The following PCDH15 variants were observed in gnomAD, a reference collection of about 807,000 sequenced individuals.
PCDH15 encodes the protein protocadherin-15.
Under a neutral mutation model 178.5 loss-of-function variants are expected in PCDH15, and 129 were observed. The observed-to-expected ratio is 0.72, with a 90% CI of 0.63 to 0.84. The LOEUF (loss-of-function observed/expected upper bound fraction) is 0.84, where lower values mean the gene tolerates loss of function less well. Ranked by LOEUF, PCDH15 falls within the 40% of genes least tolerant of loss-of-function variation. The pLI is 0.00. For missense variants in PCDH15, 2,230 were observed against 2,099.9 expected (o/e 1.06, Z -1.21); for synonymous variants, 800 against 732.0 (o/e 1.09, Z -1.50).
At chr10:55,319,982 T>A (rs1843846049), upstream of PCDH15, among the ~76,000 whole-genome samples, 3 of 152,056 alleles carry the variant, frequency 2.0e-5, no homozygotes, top group African/African-American at 7.2e-5. Flanking sequence ...CCAACCTGAG[T>A]ATCCCTGTCT....
chr10:55,521,842 G>A (rs952452788), intron 2 of PCDH15, among the ~76,000 whole-genome samples: 1 of 151,888 alleles, frequency 6.6e-6, no homozygotes, highest in Non-Finnish European at 1.5e-5. Flanking sequence ...TATCTTAAAT[G>A]CAGTTGGAAC....
chr10:54,073,423 C>G (rs1471024256), intron 17 of PCDH15, among the ~76,000 whole-genome samples: 1 of 152,038 alleles, frequency 6.6e-6, no homozygotes, highest in African/African-American at 2.4e-5. Context: ...ACTTTAACTT[C>G]ACACATTTTC....
intron 15 of PCDH15, among the ~76,000 whole-genome samples, chr10:54,106,867 T>A (rs1431048347): frequency 6.6e-6 from 1 of 152,236 alleles, no homozygotes; most frequent in Non-Finnish European, 1.5e-5. Context: ...AAGGCTTAAG[T>A]GTAAAAAATA....
At chr10:55,489,574 C>A (rs1374163079) in intron 2 of PCDH15, among the ~76,000 whole-genome samples, 2 of 151,668 alleles carry the variant, frequency 1.3e-5, no homozygotes, top group Non-Finnish European at 3.0e-5. Context: ...ATCTCTCATA[C>A]ATCTCAAGTA....
intron 2 of PCDH15, among the ~76,000 whole-genome samples, chr10:54,611,821 A>G (rs912336712): frequency 2.0e-5 from 3 of 151,870 alleles, no homozygotes; most frequent in Non-Finnish European, 2.9e-5. Flanking sequence ...TTGTTTCACC[A>G]TATTCCTACT....
intron 15 of PCDH15, among the ~76,000 whole-genome samples, chr10:54,093,158 C>T (rs1351392403): frequency 6.6e-6 from 1 of 152,038 alleles, no homozygotes; most frequent in East Asian, 1.9e-4. Context: ...TTTTATTTGA[C>T]CACTCAAATA....
intron 2 of PCDH15, among the ~76,000 whole-genome samples, chr10:55,533,567 G>A (rs189972091): frequency 2.7e-3 from 413 of 152,036 alleles, no homozygotes; most frequent in African/African-American, 9.3e-3. Flanking sequence ...ATTGATGAAA[G>A]AAATCAAAGA....
intron 2 of PCDH15, among the ~76,000 whole-genome samples, chr10:55,049,813 T>C (rs1841111992): frequency 6.6e-6 from 1 of 152,072 alleles, no homozygotes; most frequent in Non-Finnish European, 1.5e-5. Context: ...TAAATAATAA[T>C]ATGAGTTGTA....
At chr10:55,279,143 C>T (rs1842667450) in intron 1 of PCDH15, among the ~76,000 whole-genome samples, 1 of 152,058 alleles carries the variant, frequency 6.6e-6, no homozygotes, top group Non-Finnish European at 1.5e-5. Flanking sequence ...ATTTTTAAAA[C>T]TAAGACCATA....
At position 55,254,172 on chromosome 10, in the gene PCDH15, C is replaced by T. The variant is rs148336160; in HGVS notation, c.-156+65427G>A. ...GATGTAACTTAAATAACTAAAATCA[C>T]GCTTTAAAAATCTGGTTATTTATAT... is the stretch of plus-strand genomic sequence containing the variant. On this transcript the variant is annotated intron_variant, in intron 1 of 5. Coordinates refer to the PCDH15 transcript ENST00000458638. Among the ~76,000 whole-genome samples the T allele has an allele frequency of 6.3e-3, 966 of 152,198 alleles. 4 individuals are homozygous for T. The highest frequency in any genetic ancestry group is 0.02 in the Middle Eastern group (6 of 294).
chr10:55,566,319 T>TA (rs1406497331), intron 2 of PCDH15, among the ~76,000 whole-genome samples: 1 of 151,344 alleles, frequency 6.6e-6, no homozygotes, highest in Non-Finnish European at 1.5e-5. Context: ...CTTAACCTAA[T>TA]AAAAAAATTC....
chr10:53,938,994 C>G, intron 24 of PCDH15, 39 bp from the exon 25 acceptor site: 2 of 1,592,888 alleles, frequency 1.3e-6, no homozygotes, highest in Non-Finnish European at 1.7e-6. Context: ...ATTGTCTTTA[C>G]GCTATAAGGA....
intron 2 of PCDH15, among the ~76,000 whole-genome samples, chr10:55,509,572 T>C (rs1430430505): frequency 6.6e-6 from 1 of 151,944 alleles, no homozygotes; most frequent in Non-Finnish European, 1.5e-5. Flanking sequence ...ATGTGATTTA[T>C]ACGGCTGTCC....
intron 8 of PCDH15, among the ~76,000 whole-genome samples, chr10:54,312,489 A>C (rs2060970380): frequency 6.6e-6 from 1 of 152,122 alleles, no homozygotes; most frequent in African/African-American, 2.4e-5. Context: ...CAGAGATTTG[A>C]CTACAACAGA....
intron 2 of PCDH15, among the ~76,000 whole-genome samples, chr10:55,098,914 G>T (rs1047616003): frequency 6.6e-6 from 1 of 151,262 alleles, no homozygotes; most frequent in African/African-American, 2.4e-5. Context: ...GAGAGAGAGA[G>T]AGAGAGAGAG....
chr10:55,226,096 T>A (rs1023520938), intron 1 of PCDH15, among the ~76,000 whole-genome samples: 15 of 152,200 alleles, frequency 9.9e-5, no homozygotes, highest in Middle Eastern at 6.8e-3. Flanking sequence ...CAAATCAAAC[T>A]ATGCTTAAAC....
intron 3 of PCDH15, among the ~76,000 whole-genome samples, chr10:54,482,450 T>TA (rs1440110214): frequency 2.0e-5 from 3 of 151,804 alleles, no homozygotes; most frequent in Non-Finnish European, 2.9e-5. Flanking sequence ...TAATTTTCAA[T>TA]AAAAATGATA....
intron 21 of PCDH15, among the ~76,000 whole-genome samples, chr10:53,979,355 A>C (rs371728006): frequency 1.4e-4 from 22 of 152,284 alleles, no homozygotes; most frequent in African/African-American, 5.1e-4. Context: ...CACTATCATG[A>C]GAAGGGCATG....
At chr10:54,180,619 T>A in intron 13 of PCDH15, among the ~76,000 whole-genome samples, 1 of 152,178 alleles carries the variant, frequency 6.6e-6, no homozygotes, top group East Asian at 1.9e-4. Context: ...GGGACCTATG[T>A]CATGACTCTT....
Sources: gnomAD v4.1 joint callset for allele counts (sites outside exome capture counted in the v4.1 genomes callset) on GRCh38, gnomAD v4.1.1 for gene constraint, MANE v1.5 for transcripts, NCBI Gene and HGNC (gene_info 2026-07-23, HGNC 2026-07-21) for gene names.